Variants in EYA2 observed in about 807,000 individuals in gnomAD.
The protein encoded by EYA2 is protein phosphatase EYA2.
A neutral mutation model predicts 69.2 loss-of-function variants in EYA2; 31 were observed. The ratio of observed to expected loss-of-function variants is 0.45; its 90% CI spans 0.34 to 0.60. The LOEUF (loss-of-function observed/expected upper bound fraction) is 0.60. Among genes scored for constraint, EYA2 ranks in the 20% least tolerant of loss-of-function variants. EYA2 has a pLI of 0.02. For missense variants in EYA2, 622 were observed against 701.2 expected (o/e 0.89, Z 1.28); for synonymous variants, 257 against 279.4 (o/e 0.92, Z 0.80).
At chr20:47,000,603 A>T (rs1982303525) in intron 2 of EYA2, among the ~76,000 whole-genome samples, 1 of 152,216 alleles carries the variant, frequency 6.6e-6, no homozygotes, top group Admixed American at 6.5e-5. Context: ...ACGGAGCACA[A>T]AAGTACTTCC....
chr20:46,967,879 G>A (rs1052919676), intron 1 of EYA2, among the ~76,000 whole-genome samples: 1 of 152,176 alleles, frequency 6.6e-6, no homozygotes, highest in Non-Finnish European at 1.5e-5. Flanking sequence ...ACCCCTGGTG[G>A]TGGCATAGAC....
intron 11 of EYA2, 31 bp downstream of exon 11, chr20:47,169,228 T>G: frequency 6.4e-7 from 1 of 1,570,554 alleles, no homozygotes; most frequent in Non-Finnish European, 8.8e-7. Flanking sequence ...AAATGCCCAT[T>G]GATTGATTGA....
chr20:46,980,795 A>G (rs2146312668), intron 1 of EYA2, among the ~76,000 whole-genome samples: 1 of 151,932 alleles, frequency 6.6e-6, no homozygotes, highest in Admixed American at 6.6e-5. Flanking sequence ...ATCACAGTCT[A>G]CTCTCTATCT....
intron 10 of EYA2, among the ~76,000 whole-genome samples, chr20:47,162,497 C>T (rs59272886): frequency 0.015 from 2,159 of 148,076 alleles, 47 homozygotes; most frequent in African/African-American, 0.05. Flanking sequence ...TTTTCAAAAG[C>T]AGTACATACA....
chr20:47,132,194 C>T (rs2033358853), intron 9 of EYA2, among the ~76,000 whole-genome samples: 1 of 152,176 alleles, frequency 6.6e-6, no homozygotes, highest in Non-Finnish European at 1.5e-5. Context: ...AGCGATCCTC[C>T]TGCCTCAGCC....
At chr20:46,994,828 T>A (rs1223442673) in intron 2 of EYA2, among the ~76,000 whole-genome samples, 4 of 151,746 alleles carry the variant, frequency 2.6e-5, no homozygotes, top group Admixed American at 6.6e-5. Flanking sequence ...TGGCAGTAGC[T>A]CACAAATGTC....
At chr20:46,938,758 T>A (rs1355509556) in intron 1 of EYA2, among the ~76,000 whole-genome samples, 3 of 152,100 alleles carry the variant, frequency 2.0e-5, no homozygotes, top group African/African-American at 7.2e-5. Flanking sequence ...CATATTCTAT[T>A]GGTCACACAG....
intron 1 of EYA2, among the ~76,000 whole-genome samples, chr20:46,951,852 G>T (rs184886462): frequency 1.2e-4 from 19 of 152,280 alleles, no homozygotes; most frequent in Admixed American, 3.3e-4. Flanking sequence ...GGGATAACAG[G>T]GTTCCCAGAG....
At chr20:47,014,677 T>C (rs1326958187) in intron 4 of EYA2, among the ~76,000 whole-genome samples, 1 of 143,656 alleles carries the variant, frequency 7.0e-6, no homozygotes, top group African/African-American at 2.6e-5. Flanking sequence ...TGTGGTGTGA[T>C]GACTATAAGC....
At chr20:46,918,896 A>T (rs1600543116) in intron 1 of EYA2, among the ~76,000 whole-genome samples, 1 of 152,234 alleles carries the variant, frequency 6.6e-6, no homozygotes, top group Admixed American at 6.5e-5. Context: ...TTACTCCTTG[A>T]TCCATGGGCT....
rs564535017 is a variant in EYA2, at chr20:47,145,334, C to T, written c.978+2186C>T. ...CAGATGGAGATCGGGGGCAGTGGGG[C>T]GGGGACAGCAAGTGCAAAGGTCCTG... On this transcript the variant is annotated intron_variant, in intron 10 of 15. Coordinates refer to ENST00000327619, the MANE Select transcript of EYA2 (RefSeq NM_005244.5). Among the ~76,000 whole-genome samples, 184 of 151,872 alleles carry T rather than the reference C, an allele frequency of 1.2e-3. 2 individuals carry two copies. The South Asian group carries it at 0.016, about 13-fold the overall frequency.
chr20:47,120,113 C>G (rs1185451130), intron 9 of EYA2, among the ~76,000 whole-genome samples: 1 of 152,076 alleles, frequency 6.6e-6, no homozygotes, highest in Non-Finnish European at 1.5e-5. Context: ...GAGACTGAGG[C>G]AGAAGAATTG....
intron 1 of EYA2, among the ~76,000 whole-genome samples, chr20:46,988,444 C>A (rs951559602): frequency 5.3e-5 from 8 of 152,050 alleles, no homozygotes; most frequent in Non-Finnish European, 1.0e-4. Context: ...AATTTGCAAC[C>A]TTTTTACAAT....
At chr20:46,957,706 G>A (rs1979222329) in intron 1 of EYA2, among the ~76,000 whole-genome samples, 1 of 152,166 alleles carries the variant, frequency 6.6e-6, no homozygotes. Flanking sequence ...GGAGCCTCTG[G>A]ATGGAATATG....
intron 5 of EYA2, among the ~76,000 whole-genome samples, chr20:47,060,885 T>C (rs2030852078): frequency 6.6e-6 from 1 of 150,536 alleles, no homozygotes; most frequent in Non-Finnish European, 1.5e-5. Flanking sequence ...AATGGGGTTT[T>C]GCTCTTGTTG....
At chr20:46,982,661 T>A (rs1045003511) in intron 1 of EYA2, among the ~76,000 whole-genome samples, 3 of 152,222 alleles carry the variant, frequency 2.0e-5, no homozygotes, top group African/African-American at 7.2e-5. Context: ...GAGATCTGTT[T>A]ACTGACTTAC....
At chr20:46,928,494 T>TC (rs1367664503) in intron 1 of EYA2, among the ~76,000 whole-genome samples, 1 of 152,176 alleles carries the variant, frequency 6.6e-6, no homozygotes, top group Admixed American at 6.5e-5. Flanking sequence ...AGTACTGTTT[T>TC]CCCCATTTTA....
intron 1 of EYA2, among the ~76,000 whole-genome samples, chr20:46,916,668 A>G (rs1984919945): frequency 6.6e-6 from 1 of 152,122 alleles, no homozygotes; most frequent in African/African-American, 2.4e-5. Flanking sequence ...CTGGGTTGAG[A>G]TTGAGGTTAA....
At chr20:47,139,014 G>A (rs1013455026) in intron 9 of EYA2, among the ~76,000 whole-genome samples, 1 of 152,080 alleles carries the variant, frequency 6.6e-6, no homozygotes, top group Non-Finnish European at 1.5e-5. Context: ...TTTTTGATGT[G>A]TCCCTGTTAA....
Sources: gnomAD v4.1 joint callset for allele counts (sites outside exome capture counted in the v4.1 genomes callset) on GRCh38, gnomAD v4.1.1 for gene constraint, MANE v1.5 for transcripts, NCBI Gene and HGNC (gene_info 2026-07-23, HGNC 2026-07-21) for gene names.